The following PEBP4 variants were observed in gnomAD, a reference collection of about 807,000 sequenced individuals.
PEBP4 encodes the protein phosphatidylethanolamine-binding protein 4.
Under a neutral mutation model 23.9 loss-of-function variants are expected in PEBP4, and 22 were observed. The ratio of observed to expected loss-of-function variants is 0.92; its 90% CI spans 0.66 to 1.31. PEBP4 has a LOEUF of 1.31. Among genes scored for constraint, PEBP4 ranks in the 40% most tolerant of loss-of-function variants. The probability of loss-of-function intolerance (pLI) is 0.00; values close to 1 mark genes in which losing one functional copy is unlikely to be tolerated. For synonymous variants in PEBP4, 112 were observed against 99.3 expected (o/e 1.13, Z -0.76); for missense variants, 324 against 281.7 (o/e 1.15, Z -1.07).
chr8:22,915,931 C>G (rs1223133867), intron 3 of PEBP4, among the ~76,000 whole-genome samples: 1 of 152,116 alleles, frequency 6.6e-6, no homozygotes, highest in African/African-American at 2.4e-5. Flanking sequence ...TTCCAGGCCT[C>G]TAGAAAATTT....
At chr8:22,811,081 T>C (rs1045555075) in intron 4 of PEBP4, among the ~76,000 whole-genome samples, 16 of 151,604 alleles carry the variant, frequency 1.1e-4, no homozygotes, top group Non-Finnish European at 2.1e-4. Flanking sequence ...CTCTCTTTCT[T>C]TCTCTCTCTC....
chr8:22,782,804 T>C (rs1805954230), intron 4 of PEBP4, among the ~76,000 whole-genome samples: 1 of 152,214 alleles, frequency 6.6e-6, no homozygotes, highest in African/African-American at 2.4e-5. Flanking sequence ...GCAGCACGTT[T>C]TAGGGTATCC....
At position 22,920,208 on chromosome 8, in the gene PEBP4, T is replaced by C. The variant is rs760929225; in HGVS notation, c.234A>G (p.Ile78Met). Residue 78 changes from isoleucine (I) to methionine (M), a missense_variant, in exon 3 of 7, where the codon ATA becomes ATG. Coordinates refer to ENST00000256404, the MANE Select transcript of PEBP4 (RefSeq NM_144962.3). The stretch of plus-strand genomic sequence containing the variant: ...CGTCCACGGCCCCCGGGAACTTGAC[T>C]ATCGGCTCCATCCAGGAGGTGATCT... ...RQKITSWMEP[I>M]VKFPGAVDGA... The C allele has an allele frequency of 4.3e-6, 7 of 1,612,674 alleles. No homozygotes were observed. The highest frequency in any genetic ancestry group is 1.3e-5 in the African/African-American group (1 of 74,814).
intron 4 of PEBP4, among the ~76,000 whole-genome samples, chr8:22,812,753 GATTAT>G (rs1806657728): frequency 6.6e-6 from 1 of 152,124 alleles, no homozygotes; most frequent in Non-Finnish European, 1.5e-5. Flanking sequence ...TAGAAAATGA[GATTAT>G]ATCATTATTT....
chr8:22,855,970 G>C (rs536078449), intron 3 of PEBP4, among the ~76,000 whole-genome samples: 2 of 150,442 alleles, frequency 1.3e-5, no homozygotes, highest in Admixed American at 1.3e-4. Flanking sequence ...GTTGAGCCTA[G>C]GAGGCTGAGG....
chr8:22,772,493 C>CTCT (rs758553077), intron 4 of PEBP4, among the ~76,000 whole-genome samples: 6 of 121,604 alleles, frequency 4.9e-5, no homozygotes, highest in South Asian at 3.0e-4. Flanking sequence ...CTCTCTCTCT[C>CTCT]TTTTTTTTTT....
At chr8:22,878,174 A>G (rs1205508478) in intron 3 of PEBP4, 1 of 117,642 alleles carries the variant, frequency 8.5e-6, no homozygotes, top group African/African-American at 3.2e-5. Context: ...CAGGTACAGG[A>G]GCAGCTCCTG....
At chr8:22,842,151 C>T (rs750122040) in intron 3 of PEBP4, among the ~76,000 whole-genome samples, 8 of 152,368 alleles carry the variant, frequency 5.3e-5, no homozygotes, top group Middle Eastern at 6.8e-3. Flanking sequence ...GAACTGCTAA[C>T]TTACACAGTG....
rs564814319 is a variant in PEBP4 at position 22,919,764 on chromosome 8, C to T, written c.258+420G>A. On this transcript the variant is annotated intron_variant, in intron 3 of 6. Transcript: ENST00000256404. Reference sequence around the variant, plus strand: ...TGGTAAATACCAGCTTCTCTCCAGCCCAGAAGCCATCTGAAGGCCCAGGCA... The same window carrying T: ...TGGTAAATACCAGCTTCTCTCCAGCTCAGAAGCCATCTGAAGGCCCAGGCA... Among the ~76,000 whole-genome samples the T allele has an allele frequency of 1.1e-4, 16 of 152,262 alleles. No homozygotes were observed. In the South Asian group the frequency reaches 3.3e-3, roughly 32 times the overall value.
rs150164764 is a variant in PEBP4 at position 22,777,576 on chromosome 8, C to G, written c.357+40061G>C. On this transcript the variant is annotated intron_variant, in intron 4 of 6. Transcript: ENST00000256404. ...CCTGAGGTGGCCAGGACACTTACCC[C>G]CTGGCTGCCAGCCTGCTCTAGCTCC... Among the ~76,000 whole-genome samples the G allele has an allele frequency of 7.1e-4, 108 of 152,272 alleles. 2 individuals carry two copies. The East Asian group carries it at 0.019, about 27-fold the overall frequency.
At chr8:22,767,815 C>T (rs931263815) in intron 4 of PEBP4, among the ~76,000 whole-genome samples, 10 of 152,298 alleles carry the variant, frequency 6.6e-5, no homozygotes, top group Non-Finnish European at 1.0e-4. Flanking sequence ...GCTCGGCTCA[C>T]TGCAACCTCC....
At chr8:22,740,481 A>G (rs932948896) in intron 4 of PEBP4, among the ~76,000 whole-genome samples, 2 of 152,192 alleles carry the variant, frequency 1.3e-5, no homozygotes, top group African/African-American at 2.4e-5. Context: ...CAAGAACCTG[A>G]GGCGACTTCT....
chr8:22,926,600 C>A (rs1809340155), intron 2 of PEBP4, among the ~76,000 whole-genome samples: 1 of 152,052 alleles, frequency 6.6e-6, no homozygotes, highest in Non-Finnish European at 1.5e-5. Flanking sequence ...TCCACCTTGG[C>A]CTCCCAAAGT....
intron 3 of PEBP4, among the ~76,000 whole-genome samples, chr8:22,903,870 T>A (rs1175076781): frequency 6.6e-6 from 1 of 152,200 alleles, no homozygotes; most frequent in Admixed American, 6.5e-5. Context: ...TCAAGGCAGA[T>A]ATTGCTCTCC....
intron 3 of PEBP4, among the ~76,000 whole-genome samples, chr8:22,902,041 G>T (rs1449981848): frequency 2.0e-5 from 3 of 152,160 alleles, no homozygotes; most frequent in South Asian, 4.1e-4. Flanking sequence ...AATTTTAGCC[G>T]GGCGCAGTGG....
At chr8:22,725,106 C>A in intron 5 of PEBP4, 150 bp from the exon 6 acceptor site, 2 of 598,162 alleles carry the variant, frequency 3.3e-6, no homozygotes, top group Non-Finnish European at 3.0e-6. Context: ...TTGGCGGGAT[C>A]TCAGCTTCAG....
At chr8:22,915,189 T>C (rs1356934594) in intron 3 of PEBP4, among the ~76,000 whole-genome samples, 2 of 152,082 alleles carry the variant, frequency 1.3e-5, no homozygotes, top group African/African-American at 2.4e-5. Flanking sequence ...CCTTCAATCT[T>C]ACCTTTCTTC....
intron 4 of PEBP4, among the ~76,000 whole-genome samples, chr8:22,817,034 C>T (rs1806757530): frequency 6.6e-6 from 1 of 152,196 alleles, no homozygotes; most frequent in South Asian, 2.1e-4. Context: ...ACAAACAAGC[C>T]ACCAGATTTG....
chr8:22,921,752 G>A (rs556967061), intron 2 of PEBP4, among the ~76,000 whole-genome samples: 1 of 152,368 alleles, frequency 6.6e-6, no homozygotes, highest in South Asian at 2.1e-4. Context: ...TGGATGGCAA[G>A]ATTTTCACAG....
Sources: gnomAD v4.1 joint callset for allele counts (sites outside exome capture counted in the v4.1 genomes callset) on GRCh38, gnomAD v4.1.1 for gene constraint, MANE v1.5 for transcripts, NCBI Gene and HGNC (gene_info 2026-07-23, HGNC 2026-07-21) for gene names.